The following GALNT17 variants were observed in gnomAD, a reference collection of about 807,000 sequenced individuals.
GALNT17 encodes the protein polypeptide N-acetylgalactosaminyltransferase 17, also known as UDP-GalNAc:polypeptide N-acetylgalactosaminyltransferase-like 3.
Under a neutral mutation model 63.7 loss-of-function variants are expected in GALNT17, and 29 were observed. That is an observed-to-expected ratio of 0.46 (90% confidence interval 0.34 to 0.62). The LOEUF is 0.62. Among genes scored for constraint, GALNT17 ranks in the 20% least tolerant of loss-of-function variants. The pLI, the probability that GALNT17 is intolerant of heterozygous loss-of-function variation, is 0.01. For missense variants in GALNT17, 603 were observed against 799.6 expected, an observed-to-expected ratio of 0.75 and a Z score of 2.97; for synonymous variants, 305 against 318.3, an observed-to-expected ratio of 0.96 and a Z score of 0.45.
At chr7:71,238,016 C>G (rs1789926685) in intron 1 of GALNT17, among the ~76,000 whole-genome samples, 1 of 152,154 alleles carries the variant, frequency 6.6e-6, no homozygotes, top group Admixed American at 6.5e-5. Flanking sequence ...TTGAGAGAAG[C>G]TGTGCTTAAG....
intron 2 of GALNT17, among the ~76,000 whole-genome samples, chr7:71,374,334 A>G (rs1792681133): frequency 6.6e-6 from 1 of 152,252 alleles, no homozygotes; most frequent in Non-Finnish European, 1.5e-5. Context: ...GTGAAACAGA[A>G]TGAGATAATG....
intron 8 of GALNT17, among the ~76,000 whole-genome samples, chr7:71,670,901 T>TGTGTGC (rs113904463): frequency 0.014 from 2,091 of 150,256 alleles, 25 homozygotes; most frequent in South Asian, 0.026. Flanking sequence ...TGTGTGTGTG[T>TGTGTGC]GCGTGTGTGT....
At chr7:71,475,583 G>C (rs552491186) in intron 5 of GALNT17, among the ~76,000 whole-genome samples, 1 of 152,120 alleles carries the variant, frequency 6.6e-6, no homozygotes. Context: ...ATGAAGCTTC[G>C]CTGGCTCGCC....
chr7:71,599,301 G>A (rs1353229741), intron 6 of GALNT17, among the ~76,000 whole-genome samples: 3 of 152,178 alleles, frequency 2.0e-5, no homozygotes, highest in African/African-American at 4.8e-5. Context: ...TAAGGGCTTT[G>A]CTTTCTTTTA....
intron 6 of GALNT17, among the ~76,000 whole-genome samples, chr7:71,638,559 G>A (rs142183560): frequency 4.8e-4 from 73 of 152,256 alleles, no homozygotes; most frequent in African/African-American, 1.6e-3. Context: ...GACGAAAAGG[G>A]CATCCCGATA....
intron 1 of GALNT17, among the ~76,000 whole-genome samples, chr7:71,236,096 G>A (rs755075282): frequency 2.0e-5 from 3 of 151,988 alleles, no homozygotes; most frequent in Non-Finnish European, 2.9e-5. Context: ...CAGGAGAATT[G>A]CTTGAACCCA....
At chr7:71,555,085 G>A (rs1390877672) in intron 5 of GALNT17, among the ~76,000 whole-genome samples, 3 of 152,020 alleles carry the variant, frequency 2.0e-5, no homozygotes, top group Admixed American at 6.6e-5. Flanking sequence ...GACAAGGGAG[G>A]TCCTAGAGTC....
At chr7:71,344,942 G>A (rs1414668627) in intron 2 of GALNT17, among the ~76,000 whole-genome samples, 1 of 152,096 alleles carries the variant, frequency 6.6e-6, no homozygotes, top group Non-Finnish European at 1.5e-5. Context: ...AATGCTGTAG[G>A]GGTTCACGTT....
chr7:71,257,329 G>A (rs1225085497), intron 1 of GALNT17, among the ~76,000 whole-genome samples: 2 of 152,156 alleles, frequency 1.3e-5, no homozygotes, highest in Non-Finnish European at 2.9e-5. Flanking sequence ...CTATTAGTCA[G>A]GGTGTCCATT....
At chr7:71,351,140 T>TCAAA (rs35992037) in intron 2 of GALNT17, among the ~76,000 whole-genome samples, 16 of 151,178 alleles carry the variant, frequency 1.1e-4, no homozygotes, top group African/African-American at 1.7e-4. Flanking sequence ...AAACTGCATC[T>TCAAA]CAAACAAACA....
intron 2 of GALNT17, among the ~76,000 whole-genome samples, chr7:71,345,483 C>T (rs1792074812): frequency 6.6e-6 from 1 of 152,176 alleles, no homozygotes; most frequent in South Asian, 2.1e-4. Context: ...AATTCTAACC[C>T]ATTTTATCCC....
intron 1 of GALNT17, among the ~76,000 whole-genome samples, chr7:71,198,309 C>T (rs1030739982): frequency 1.3e-5 from 2 of 151,934 alleles, no homozygotes; most frequent in African/African-American, 2.4e-5. Flanking sequence ...CTTTTCTGCT[C>T]TCCCATCCAA....
At chr7:71,255,034 T>C (rs906593481) in intron 1 of GALNT17, among the ~76,000 whole-genome samples, 9 of 152,272 alleles carry the variant, frequency 5.9e-5, no homozygotes, top group African/African-American at 2.2e-4. Context: ...GGGAAGAATC[T>C]AGACTCACAG....
intron 1 of GALNT17, among the ~76,000 whole-genome samples, chr7:71,143,863 G>A (rs983382306): frequency 6.0e-5 from 9 of 150,954 alleles, no homozygotes; most frequent in African/African-American, 2.2e-4. Context: ...AACATAGTGA[G>A]ACCCCATCTC....
intron 9 of GALNT17, among the ~76,000 whole-genome samples, chr7:71,704,560 G>T (rs1447117397): frequency 6.8e-6 from 1 of 147,832 alleles, no homozygotes; most frequent in South Asian, 2.1e-4. Context: ...ACACAAAATA[G>T]CCAGAACAGT....
intron 1 of GALNT17, among the ~76,000 whole-genome samples, chr7:71,239,425 T>C (rs766151874): frequency 7.0e-4 from 107 of 152,318 alleles, no homozygotes; most frequent in Non-Finnish European, 1.3e-3. Context: ...TGAGCTATGA[T>C]TGTGCTACTG....
intron 2 of GALNT17, among the ~76,000 whole-genome samples, chr7:71,337,416 C>G (rs560111534): frequency 6.6e-6 from 1 of 152,046 alleles, no homozygotes; most frequent in East Asian, 1.9e-4. Flanking sequence ...ATTCTTGATA[C>G]GTATTATAAT....
intron 1 of GALNT17, among the ~76,000 whole-genome samples, chr7:71,292,651 GAC>G (rs58325607): frequency 0.16 from 16,748 of 103,058 alleles, 1,395 homozygotes; most frequent in East Asian, 0.45. Context: ...GAGAGAGAGA[GAC>G]AGAGAGAGAG....
intron 1 of GALNT17, among the ~76,000 whole-genome samples, chr7:71,134,203 G>A (rs1314981921): frequency 6.6e-6 from 1 of 152,238 alleles, no homozygotes; most frequent in Non-Finnish European, 1.5e-5. Flanking sequence ...AGAGTCTGGA[G>A]TCAGAACCCT....
Sources: allele counts gnomAD v4.1 joint callset (sites outside exome capture counted in the v4.1 genomes callset), GRCh38; gene constraint gnomAD v4.1.1; transcripts MANE v1.5; gene names NCBI Gene and HGNC (gene_info 2026-07-23, HGNC 2026-07-21).